Variants in STEAP1B observed in about 807,000 individuals in gnomAD.
STEAP1B encodes STEAP family member 1B.
A neutral mutation model predicts 27.9 loss-of-function variants in STEAP1B; 13 were observed. The observed-to-expected ratio is 0.47, with a 90% CI of 0.30 to 0.74. The LOEUF (loss-of-function observed/expected upper bound fraction) is 0.74, where lower values mean the gene tolerates loss of function less well. Ranked by LOEUF, STEAP1B falls within the 30% of genes least tolerant of loss-of-function variation. The pLI, the probability that STEAP1B is intolerant of heterozygous loss-of-function variation, is 0.06. For synonymous variants in STEAP1B, 86 were observed against 107.1 expected, an observed-to-expected ratio of 0.80 and a Z score of 1.22; for missense variants, 250 against 298.7, an observed-to-expected ratio of 0.84 and a Z score of 1.20.
At chr7:22,483,289 T>G (rs1308968008) in intron 4 of STEAP1B, among the ~76,000 whole-genome samples, 1 of 152,164 alleles carries the variant, frequency 6.6e-6, no homozygotes. Flanking sequence ...GCCAGTGTTT[T>G]GTTTTGCTAT....
intron 4 of STEAP1B, among the ~76,000 whole-genome samples, chr7:22,475,024 T>C (rs1785946572): frequency 6.6e-6 from 1 of 152,248 alleles, no homozygotes; most frequent in Admixed American, 6.5e-5. Flanking sequence ...AGGTCCCTGA[T>C]ATCTGTCTGA....
At chr7:22,433,684 T>C (rs1785218865) in intron 4 of STEAP1B, among the ~76,000 whole-genome samples, 1 of 152,134 alleles carries the variant, frequency 6.6e-6, no homozygotes, top group Non-Finnish European at 1.5e-5. Context: ...GAAGCGTATA[T>C]TGGAAGATGT....
intron 4 of STEAP1B, among the ~76,000 whole-genome samples, chr7:22,466,661 A>G (rs1785789772): frequency 4.6e-5 from 7 of 152,202 alleles, no homozygotes; most frequent in Admixed American, 4.6e-4. Flanking sequence ...GCACAAGGAC[A>G]GGCAAAACTC....
chr7:22,475,047 C>A (rs1785947338), intron 4 of STEAP1B, among the ~76,000 whole-genome samples: 1 of 152,188 alleles, frequency 6.6e-6, no homozygotes, highest in Non-Finnish European at 1.5e-5. Context: ...AACCGACATG[C>A]CTCATAGTAT....
intron 4 of STEAP1B, among the ~76,000 whole-genome samples, chr7:22,480,374 T>A (rs1436600887): frequency 6.6e-6 from 1 of 152,218 alleles, no homozygotes; most frequent in Non-Finnish European, 1.5e-5. Context: ...GTAGTCACAG[T>A]CTGTGAGCGG....
intron 4 of STEAP1B, among the ~76,000 whole-genome samples, chr7:22,437,113 C>G (rs1562567585): frequency 6.6e-6 from 1 of 152,202 alleles, no homozygotes; most frequent in Non-Finnish European, 1.5e-5. Flanking sequence ...CTGACAAGGT[C>G]TAATACCCAG....
chr7:22,428,003 G>C lies in STEAP1B; in HGVS notation c.763-8167C>G, dbSNP rs1033459803. On this transcript the variant is annotated intron_variant, in intron 4 of 4. Coordinates refer to ENST00000678116, the MANE Select transcript of STEAP1B (RefSeq NM_001382447.1). Reference sequence around the variant, plus strand: ...ACAGTGGCAACACTGATCTCAGCCAGTCCTACAAAGGAGCTTCTGTAGGGA... The same window carrying C: ...ACAGTGGCAACACTGATCTCAGCCACTCCTACAAAGGAGCTTCTGTAGGGA... Among the ~76,000 whole-genome samples the C allele has an allele frequency of 6.6e-5, 10 of 152,342 alleles. No individual in the cohort carries two copies. The East Asian group carries it at 1.9e-3, about 29-fold the overall frequency.
intron 4 of STEAP1B, among the ~76,000 whole-genome samples, chr7:22,457,399 T>C (rs1785605318): frequency 6.6e-6 from 1 of 152,208 alleles, no homozygotes; most frequent in Non-Finnish European, 1.5e-5. Flanking sequence ...GTGGCCCAAT[T>C]GCACCCTGAG....
At chr7:22,464,891 C>G (rs1255332587) in intron 4 of STEAP1B, among the ~76,000 whole-genome samples, 2 of 136,054 alleles carry the variant, frequency 1.5e-5, no homozygotes, top group Non-Finnish European at 3.2e-5. Flanking sequence ...CTTATCCTCA[C>G]AGAACATGCT....
chr7:22,449,863 T>C (rs10252106), intron 4 of STEAP1B, among the ~76,000 whole-genome samples: 36,179 of 152,172 alleles, frequency 0.24, 5,657 homozygotes, highest in Non-Finnish European at 0.33. Flanking sequence ...TGACATCTCA[T>C]TGTAGTTTCG....
At chr7:22,455,845 G>A (rs181000693) in intron 4 of STEAP1B, among the ~76,000 whole-genome samples, 2 of 152,150 alleles carry the variant, frequency 1.3e-5, no homozygotes, top group African/African-American at 4.8e-5. Flanking sequence ...CGAGTATTTC[G>A]AGTATTTCAA....
At chr7:22,427,770 A>T (rs1314270537) in intron 4 of STEAP1B, among the ~76,000 whole-genome samples, 1 of 152,220 alleles carries the variant, frequency 6.6e-6, no homozygotes, top group Non-Finnish European at 1.5e-5. Flanking sequence ...GCTCGATCCA[A>T]CTAATGTTCA....
At chr7:22,484,267 G>A (rs1786136104) in intron 4 of STEAP1B, among the ~76,000 whole-genome samples, 1 of 152,226 alleles carries the variant, frequency 6.6e-6, no homozygotes, top group South Asian at 2.1e-4. Flanking sequence ...ACAAAGGACA[G>A]GCTGATTCTT....
At chr7:22,444,631 C>T (rs1224133740) in intron 4 of STEAP1B, among the ~76,000 whole-genome samples, 3 of 152,192 alleles carry the variant, frequency 2.0e-5, no homozygotes, top group Non-Finnish European at 2.9e-5. Context: ...GGGCCTCAGA[C>T]AGAACAATAG....
chr7:22,419,741 G>C lies in STEAP1B; in HGVS notation c.*63C>G. 1 of 1,521,626 alleles carries C rather than the reference G, an allele frequency of 6.6e-7. No individual in the cohort carries two copies. Among genetic ancestry groups the C allele is most frequent in the Non-Finnish European group, 8.8e-7 (1 of 1,129,958 alleles). The allele number at this position is 1,521,626 out of a possible 1,614,324, so 94.3% of individuals were successfully genotyped here. ...GGGCACTGGGTGGTGTTCTGCATGA[G>C]CAATCCAATGCTGTGCTCCAAAGCC... On this transcript the variant is annotated 3_prime_UTR_variant, in exon 5 of 5. Transcript: ENST00000678116.
chr7:22,433,644 A>G (rs917445926), intron 4 of STEAP1B, among the ~76,000 whole-genome samples: 5 of 152,238 alleles, frequency 3.3e-5, no homozygotes, highest in Admixed American at 6.5e-5. Flanking sequence ...ATTGGGCAGG[A>G]AAGATTGCAA....
intron 4 of STEAP1B, among the ~76,000 whole-genome samples, chr7:22,456,373 C>G (rs1785578719): frequency 6.6e-6 from 1 of 152,168 alleles, no homozygotes; most frequent in Non-Finnish European, 1.5e-5. Context: ...AGTGGCAACT[C>G]TCCTTCCCTG....
At chr7:22,420,135 T>A (rs1785027321) in intron 4 of STEAP1B, among the ~76,000 whole-genome samples, 1 of 152,226 alleles carries the variant, frequency 6.6e-6, no homozygotes, top group Non-Finnish European at 1.5e-5. Flanking sequence ...ATTGTCTTCA[T>A]AATTGTTCTG....
At chr7:22,446,778 C>T (rs751811108) in intron 4 of STEAP1B, among the ~76,000 whole-genome samples, 37 of 152,124 alleles carry the variant, frequency 2.4e-4, no homozygotes, top group Non-Finnish European at 4.7e-4. Context: ...CAAGTTGAAC[C>T]CTCCCTGAAC....
Sources: gnomAD v4.1 joint callset for allele counts (sites outside exome capture counted in the v4.1 genomes callset) on GRCh38, gnomAD v4.1.1 for gene constraint, MANE v1.5 for transcripts, NCBI Gene and HGNC (gene_info 2026-07-23, HGNC 2026-07-21) for gene names.